Variants in SLC4A1AP observed in about 807,000 individuals in gnomAD.
The protein encoded by SLC4A1AP is solute carrier family 4 member 1 adaptor protein, also known as kanadaptin.
In SLC4A1AP, 64 loss-of-function variants were observed where a neutral mutation model predicts 89.7. The observed-to-expected ratio is 0.71, with a 90% CI of 0.58 to 0.88. The LOEUF is 0.88. SLC4A1AP is among the 40% of genes least tolerant of loss of function. SLC4A1AP has a pLI of 0.00. For synonymous variants in SLC4A1AP, 366 were observed against 353.3 expected (o/e 1.04, Z -0.40); for missense variants, 931 against 965.0 (o/e 0.96, Z 0.47).
Position 27,668,586 on chromosome 2 carries a change from A to T in SLC4A1AP, c.1145-257A>T, listed in dbSNP as rs142886666. On this transcript the variant is annotated intron_variant, in intron 3 of 13. Coordinates refer to ENST00000613058, the Ensembl canonical transcript of SLC4A1AP. ...GGCCTTAGCCCCCGTAGTAGCTGGG[A>T]CAAAAGTCACGTACCATCATGCCCG... The T allele has an allele frequency of 5.9e-3, 3,743 of 634,142 alleles. 16 individuals carry two copies. Among genetic ancestry groups the T allele is most frequent in the Middle Eastern group, 6.8e-3 (17 of 2,502 alleles). 39.3% of individuals were successfully genotyped at this position (634,142 alleles called of 1,614,324 possible). A position where few individuals can be genotyped will look rare whatever the true frequency, so the allele number is the denominator to read the frequency against.
chr2:27,673,493 C>A (rs1457078498), intron 5 of SLC4A1AP, among the ~76,000 whole-genome samples: 1 of 131,932 alleles, frequency 7.6e-6, no homozygotes, highest in East Asian at 2.6e-4. Context: ...CCTTCTCTTT[C>A]CTCTATGCTG....
chr2:27,677,345 A>G, exon 7 of SLC4A1AP: 3 of 1,613,294 alleles, frequency 1.9e-6, no homozygotes, highest in Non-Finnish European at 2.5e-6. Flanking sequence ...TTTCTGAGAG[A>G]TTGAAAGCCT....
At chr2:27,685,371 A>G (rs1280163342) in intron 10 of SLC4A1AP, 94 bp downstream of exon 10, 33 of 1,494,542 alleles carry the variant, frequency 2.2e-5, no homozygotes, top group Non-Finnish European at 2.9e-5. Context: ...TTGTCTGTGC[A>G]TTTGACTTTG....
chr2:27,693,878 G>A, intron 13 of SLC4A1AP, 124 bp downstream of exon 13: 1 of 597,570 alleles, frequency 1.7e-6, no homozygotes, highest in Non-Finnish European at 2.7e-6. Context: ...TGTATACCAT[G>A]TTTGGATCCT....
chr2:27,675,635 G>A, exon 6 of SLC4A1AP: 1 of 1,608,468 alleles, frequency 6.2e-7, no homozygotes, highest in Non-Finnish European at 8.5e-7. Flanking sequence ...AGAAGCGTCT[G>A]AACAGAATGA....
chr2:27,679,979 AC>A (rs1396019774), intron 8 of SLC4A1AP, among the ~76,000 whole-genome samples: 1 of 152,140 alleles, frequency 6.6e-6, no homozygotes, highest in Non-Finnish European at 1.5e-5. Context: ...GAATGGCACC[AC>A]AGATGCCATG....
intron 1 of SLC4A1AP, among the ~76,000 whole-genome samples, chr2:27,664,848 G>A (rs367637197): frequency 1.3e-5 from 2 of 151,800 alleles, no homozygotes; most frequent in African/African-American, 2.4e-5. Flanking sequence ...CGGGAGGATC[G>A]CTTTAGCCCA....
intron 8 of SLC4A1AP, among the ~76,000 whole-genome samples, chr2:27,682,040 A>G (rs1280220356): frequency 1.3e-5 from 2 of 152,208 alleles, no homozygotes; most frequent in Non-Finnish European, 2.9e-5. Flanking sequence ...CAGCCTCATC[A>G]TAGCTCTGTG....
At chr2:27,677,451 C>A in intron 7 of SLC4A1AP, 87 bp downstream of exon 7, 2 of 894,550 alleles carry the variant, frequency 2.2e-6, no homozygotes, top group Admixed American at 2.2e-5. Context: ...TAAGAAATAC[C>A]ATACAGAATA....
intron 12 of SLC4A1AP, 26 bp downstream of exon 12, chr2:27,688,793 A>G (rs997986370): frequency 1.3e-6 from 2 of 1,547,552 alleles, no homozygotes; most frequent in Non-Finnish European, 1.8e-6. Context: ...GTCTGGGAGT[A>G]AAAATGAATC....
At chr2:27,677,835 C>T (rs150555302) in exon 8 of SLC4A1AP, 1 of 1,613,588 alleles carries the variant, frequency 6.2e-7, no homozygotes, top group Non-Finnish European at 8.5e-7. Context: ...AGAAACTTCA[C>T]CTGAGAACTT....
At chr2:27,692,940 A>T (rs1446380313) in intron 12 of SLC4A1AP, 1 of 151,724 alleles carries the variant, frequency 6.6e-6, no homozygotes, top group Non-Finnish European at 1.5e-5. Flanking sequence ...TTATTTATTT[A>T]TTTATTTATT....
chr2:27,664,425 G>A (rs367822023), exon 1 of SLC4A1AP: 44 of 1,614,222 alleles, frequency 2.7e-5, no homozygotes, highest in Non-Finnish European at 3.7e-5. Flanking sequence ...CGGAGAATGC[G>A]ACAGCAACGG....
At chr2:27,667,160 C>T (rs1007006569) in intron 2 of SLC4A1AP, 108 bp from the exon 3 acceptor site, 126 of 1,227,070 alleles carry the variant, frequency 1.0e-4, no homozygotes, top group Middle Eastern at 8.7e-4. Flanking sequence ...TGAGCCACTG[C>T]GCCCAGCCTA....
At chr2:27,685,461 C>T (rs993312734) in intron 10 of SLC4A1AP, among the ~76,000 whole-genome samples, 184 bp downstream of exon 10, 1 of 152,200 alleles carries the variant, frequency 6.6e-6, no homozygotes, top group South Asian at 2.1e-4. Flanking sequence ...TATTTGTCTT[C>T]ATTGCAAATT....
chr2:27,677,742 A>G lies in SLC4A1AP; in HGVS notation c.1581A>G (p.Leu527=), dbSNP rs766201705. The stretch of plus-strand genomic sequence containing the variant: ...TGTTATTCTTTTCTTGGACAGTTCT[A>G]TCAGAGTCTCCATCTCAGGATTCTT... Residue 527 remains leucine (L), a synonymous_variant, in exon 8 of 14, where the codon CTA becomes CTG. Coordinates refer to ENST00000613058, the Ensembl canonical transcript of SLC4A1AP. 3.8e-6 allele frequency: 6 copies of G among 1,598,704 alleles called. No homozygotes were observed. The East Asian group carries it at 6.7e-5, about 18-fold the overall frequency.
rs571408862 is a variant in SLC4A1AP at position 27,667,459 on chromosome 2, G to A, written c.1144+69G>A. On this transcript the variant is annotated intron_variant, in intron 3 of 13. Transcript: ENST00000613058. ...GCAGTGTGGTTTTCTAGAGCTTCAT[G>A]TTGAGCTTTATACTAAGATATGCTA... 6 of 1,444,282 alleles carry A rather than the reference G, an allele frequency of 4.2e-6. No individual in the cohort carries two copies. In the South Asian group the frequency reaches 8.7e-5, roughly 21 times the overall value. The allele number at this position is 1,444,282 out of a possible 1,614,324, so 89.5% of individuals were successfully genotyped here.
chr2:27,672,451 C>G (rs1398902257), intron 5 of SLC4A1AP, among the ~76,000 whole-genome samples: 3 of 152,060 alleles, frequency 2.0e-5, no homozygotes, highest in Non-Finnish European at 4.4e-5. Flanking sequence ...CCAGAGAAGG[C>G]TCAGAGACTC....
chr2:27,677,142 CA>C (rs1159662655), intron 6 of SLC4A1AP, among the ~76,000 whole-genome samples, 152 bp from the exon 7 acceptor site: 2 of 144,666 alleles, frequency 1.4e-5, no homozygotes, highest in South Asian at 2.2e-4. Flanking sequence ...TATCTCAAAA[CA>C]AAAAAAAAAG....
Sources: gnomAD v4.1 joint callset for allele counts (sites outside exome capture counted in the v4.1 genomes callset) on GRCh38, gnomAD v4.1.1 for gene constraint, MANE v1.5 for transcripts, NCBI Gene and HGNC (gene_info 2026-07-23, HGNC 2026-07-21) for gene names.